The following LRMDA variants were observed in gnomAD, a reference collection of about 807,000 sequenced individuals.
LRMDA encodes the protein leucine rich melanocyte differentiation associated.
LRMDA carries 18 observed loss-of-function variants against 29.8 expected under a neutral mutation model. The observed-to-expected ratio is 0.60, with a 90% confidence interval of 0.42 to 0.90. LRMDA has a LOEUF of 0.90. Among genes scored for constraint, LRMDA ranks in the 40% least tolerant of loss-of-function variants. The pLI, the probability that LRMDA is intolerant of heterozygous loss-of-function variation, is 0.00. For synonymous variants in LRMDA, 125 were observed against 109.4 expected, an observed-to-expected ratio of 1.14 and a Z score of -0.89; for missense variants, 273 against 273.9, an observed-to-expected ratio of 1.00 and a Z score of 0.02.
intron 2 of LRMDA, among the ~76,000 whole-genome samples, chr10:76,017,992 C>T (rs542786415): frequency 3.3e-5 from 5 of 152,268 alleles, no homozygotes; most frequent in African/African-American, 9.6e-5. Context: ...TTACTTTCCT[C>T]GTGAAGACTG....
intron 6 of LRMDA, among the ~76,000 whole-genome samples, chr10:76,532,481 A>G (rs988545131): frequency 1.3e-5 from 2 of 152,236 alleles, no homozygotes; most frequent in African/African-American, 4.8e-5. Context: ...TGTGGTTTCA[A>G]AGATGAGTCA....
intron 6 of LRMDA, among the ~76,000 whole-genome samples, chr10:76,401,157 T>C (rs557649195): frequency 6.6e-6 from 1 of 152,130 alleles, no homozygotes; most frequent in Non-Finnish European, 1.5e-5. Flanking sequence ...GAGCTTCCAA[T>C]ATAATGACTT....
intron 2 of LRMDA, among the ~76,000 whole-genome samples, chr10:75,669,703 C>G (rs1242311699): frequency 6.6e-6 from 1 of 152,152 alleles, no homozygotes; most frequent in African/African-American, 2.4e-5. Flanking sequence ...TGGCTTTAAC[C>G]TTCAAAGACT....
At chr10:76,223,844 T>C (rs1477220878) in intron 5 of LRMDA, among the ~76,000 whole-genome samples, 1 of 152,142 alleles carries the variant, frequency 6.6e-6, no homozygotes, top group Non-Finnish European at 1.5e-5. Context: ...TTCTCTGTTT[T>C]CTTGTCCACT....
intron 2 of LRMDA, among the ~76,000 whole-genome samples, chr10:75,722,518 A>G (rs1363182351): frequency 6.6e-6 from 1 of 152,144 alleles, no homozygotes; most frequent in Non-Finnish European, 1.5e-5. Context: ...CAAGTCTACC[A>G]GGTTAACATG....
chr10:76,204,334 A>G (rs918700544), intron 5 of LRMDA, among the ~76,000 whole-genome samples: 3 of 149,570 alleles, frequency 2.0e-5, no homozygotes, highest in Middle Eastern at 3.6e-3. Flanking sequence ...CCATCTCTCC[A>G]TGTGCCCATC....
intron 2 of LRMDA, among the ~76,000 whole-genome samples, chr10:75,508,263 T>C (rs1237322775): frequency 3.9e-5 from 6 of 152,156 alleles, no homozygotes; most frequent in Non-Finnish European, 1.5e-5. Context: ...GGTGGTGTTT[T>C]TTTCCCCCCC....
chr10:75,813,553 GT>G (rs988468972), intron 2 of LRMDA, among the ~76,000 whole-genome samples: 7 of 152,168 alleles, frequency 4.6e-5, no homozygotes, highest in African/African-American at 1.7e-4. Context: ...TTCCGAAAGA[GT>G]TTGGGTTTAT....
intron 2 of LRMDA, among the ~76,000 whole-genome samples, chr10:75,972,962 A>G (rs1169588341): frequency 6.6e-6 from 1 of 152,070 alleles, no homozygotes; most frequent in Non-Finnish European, 1.5e-5. Flanking sequence ...TGTGTGCTAC[A>G]CTGGGGAAAT....
At position 75,551,737 on chromosome 10, in the gene LRMDA, GCT is replaced by G. The variant is rs1217166450; in HGVS notation, c.131+113244_131+113245del. Among the ~76,000 whole-genome samples the G allele has an allele frequency of 1.1e-4, 17 of 152,084 alleles. 1 individual carries two copies. Among genetic ancestry groups the G allele is most frequent in the African/African-American group, 4.1e-4 (17 of 41,484 alleles). ...TTGAGTCAGCTATTTTTTTTGAGAG[GCT>G]AAAATTAAGAAAAAATTTGCTGGGC... On this transcript the variant is annotated intron_variant, in intron 2 of 6. Transcript: ENST00000611255.
chr10:76,312,416 G>A (rs1487505905), intron 5 of LRMDA, among the ~76,000 whole-genome samples: 1 of 152,154 alleles, frequency 6.6e-6, no homozygotes, highest in East Asian at 1.9e-4. Context: ...GGCCTAGCCT[G>A]ACAGAGCTGG....
At position 76,244,911 on chromosome 10, in the gene LRMDA, G is replaced by A. The variant is rs149156360; in HGVS notation, c.517-79490G>A. Among the ~76,000 whole-genome samples, 333 of 152,330 alleles carry A rather than the reference G, an allele frequency of 2.2e-3. 2 individuals carry two copies. The highest frequency in any genetic ancestry group is 7.3e-3 in the African/African-American group (303 of 41,570). ...GAAAAAGAACACTGGTCAAGAGCTA[G>A]CAGAGCTAGGGTCTGGCTTCATTTC... is the stretch of plus-strand genomic sequence containing the variant. On this transcript the variant is annotated intron_variant, in intron 5 of 6. Coordinates refer to ENST00000611255, the MANE Select transcript of LRMDA (RefSeq NM_001305581.2).
Position 76,058,719 on chromosome 10 carries a change from T to C in LRMDA, c.452T>C (p.Val151Ala). 6.2e-7 allele frequency: 1 copy of C among 1,614,216 alleles called. No homozygotes were observed. Among genetic ancestry groups the C allele is most frequent in the Middle Eastern group, 1.6e-4 (1 of 6,062 alleles). ...PNLKFLDAQK[V>A]TRQEREEALV... ...TTGAAATTTCTGGATGCCCAGAAAG[T>C]AACCAGACAAGAACGAGAGGAGGCG... The change falls in exon 5 of 7, where the codon GTA becomes GCA. Residue 151 changes from valine to alanine, a missense_variant. Val to Ala is a moderately conservative substitution (Grantham distance 64). Transcript: ENST00000611255.
At chr10:76,408,445 C>T (rs777601902) in intron 6 of LRMDA, among the ~76,000 whole-genome samples, 1 of 152,118 alleles carries the variant, frequency 6.6e-6, no homozygotes, top group African/African-American at 2.4e-5. Context: ...GAATTATGTT[C>T]TCATAATTCT....
Position 76,483,724 on chromosome 10 carries a change from T to TAA in LRMDA, c.602-73471_602-73470dup, listed in dbSNP as rs755947041. Reference sequence around the variant, plus strand: ...CTTCAGGACTGGGTCAAGAAACCATTAAAAAAAAAAAAAAAGCAAATGTAC... The same window carrying TAA: ...CTTCAGGACTGGGTCAAGAAACCATTAAAAAAAAAAAAAAAAAGCAAATGTAC... On this transcript the variant is annotated intron_variant, in intron 6 of 6. Coordinates refer to ENST00000611255, the MANE Select transcript of LRMDA (RefSeq NM_001305581.2). Among the ~76,000 whole-genome samples, 113 of 128,698 alleles carry TAA rather than the reference T, an allele frequency of 8.8e-4. 1 individual carries two copies. The highest frequency in any genetic ancestry group is 2.0e-3 in the Admixed American group (25 of 12,690). 84.4% of individuals were successfully genotyped at this position (128,698 alleles called of 152,430 possible).
chr10:75,959,302 C>T (rs1401610700), intron 2 of LRMDA, among the ~76,000 whole-genome samples: 1 of 152,084 alleles, frequency 6.6e-6, no homozygotes, highest in Non-Finnish European at 1.5e-5. Context: ...GGGAGAGGGA[C>T]CGGGTTTTGG....
chr10:75,462,116 A>T (rs957152070), intron 2 of LRMDA, among the ~76,000 whole-genome samples: 1 of 152,274 alleles, frequency 6.6e-6, no homozygotes, highest in African/African-American at 2.4e-5. Context: ...CAAAGAAGAC[A>T]AAGTATGAAG....
At chr10:76,222,434 A>C (rs1851860844) in intron 5 of LRMDA, among the ~76,000 whole-genome samples, 1 of 152,258 alleles carries the variant, frequency 6.6e-6, no homozygotes, top group Non-Finnish European at 1.5e-5. Flanking sequence ...AAAAAAACAA[A>C]CAACCCCATC....
At chr10:75,653,074 A>C (rs1477715640) in intron 2 of LRMDA, among the ~76,000 whole-genome samples, 1 of 152,130 alleles carries the variant, frequency 6.6e-6, no homozygotes, top group Non-Finnish European at 1.5e-5. Flanking sequence ...TCTGAGACCC[A>C]CTCTGGCTTT....
Sources: gnomAD v4.1 joint callset for allele counts (sites outside exome capture counted in the v4.1 genomes callset) on GRCh38, gnomAD v4.1.1 for gene constraint, MANE v1.5 for transcripts, NCBI Gene and HGNC (gene_info 2026-07-23, HGNC 2026-07-21) for gene names.